GOLGB1: variants seen among roughly 807,000 people sequenced by gnomAD.
The protein encoded by GOLGB1 is golgin B1.
GOLGB1 carries 174 observed loss-of-function variants against 336.9 expected under a neutral mutation model. The ratio of observed to expected loss-of-function variants is 0.52; its 90% CI spans 0.46 to 0.59. The LOEUF (loss-of-function observed/expected upper bound fraction) is 0.59, where lower values mean the gene tolerates loss of function less well. Ranked by LOEUF, GOLGB1 falls within the 20% of genes least tolerant of loss-of-function variation. GOLGB1 has a pLI of 0.00. For synonymous variants in GOLGB1, 1,208 were observed against 1,289.2 expected, an observed-to-expected ratio of 0.94 and a Z score of 1.35; for missense variants, 3,331 against 3,645.3, an observed-to-expected ratio of 0.91 and a Z score of 2.22.
chr3:121,682,163 C>T (rs925212662), intron 14 of GOLGB1, among the ~76,000 whole-genome samples: 5 of 152,320 alleles, frequency 3.3e-5, no homozygotes, highest in South Asian at 2.1e-4. Context: ...ACAATTCTGA[C>T]GTGGGGTAGA....
chr3:121,730,773 T>C, intron 2 of GOLGB1, 103 bp downstream of exon 2: 1 of 1,086,956 alleles, frequency 9.2e-7, no homozygotes, highest in Non-Finnish European at 1.3e-6. Context: ...TCGCTTCACC[T>C]AGTACCAGGG....
In GOLGB1 at chr3:121,664,627, T is replaced by C; in HGVS notation, c.9661-13A>G. The C allele has an allele frequency of 6.2e-7, 1 of 1,613,478 alleles. No homozygotes were observed. Among genetic ancestry groups the C allele is most frequent in the Non-Finnish European group, 8.5e-7 (1 of 1,179,418 alleles). Reference sequence around the variant, plus strand: ...CGCCACTCCGGGTCTGAAAGAAAAATGTGAAAGTCAGAGAGTTTTCACCCT... The same window carrying C: ...CGCCACTCCGGGTCTGAAAGAAAAACGTGAAAGTCAGAGAGTTTTCACCCT... On this transcript the variant is annotated splice_polypyrimidine_tract_variant and intron_variant, in intron 21 of 21. Coordinates refer to ENST00000614479, the MANE Select transcript of GOLGB1 (RefSeq NM_001366282.2).
chr3:121,712,128 A>G (rs1167188993), intron 10 of GOLGB1, among the ~76,000 whole-genome samples: 3 of 152,236 alleles, frequency 2.0e-5, no homozygotes, highest in Non-Finnish European at 2.9e-5. Context: ...AGATAGATCA[A>G]TATAACAGAA....
At chr3:121,687,276 C>CA (rs1333605909) in intron 14 of GOLGB1, among the ~76,000 whole-genome samples, 3 of 151,986 alleles carry the variant, frequency 2.0e-5, no homozygotes, top group African/African-American at 7.2e-5. Flanking sequence ...AACAAACAAA[C>CA]AAAAAAACAG....
At chr3:121,684,869 A>G (rs1026490264) in intron 14 of GOLGB1, among the ~76,000 whole-genome samples, 1 of 152,238 alleles carries the variant, frequency 6.6e-6, no homozygotes, top group Non-Finnish European at 1.5e-5. Flanking sequence ...GGAGAAAGGT[A>G]AAGGGAAATA....
At chr3:121,667,439 T>A in intron 20 of GOLGB1, 37 bp downstream of exon 20, 1 of 1,597,096 alleles carries the variant, frequency 6.3e-7, no homozygotes, top group Non-Finnish European at 8.5e-7. Flanking sequence ...TCAGAAAGGA[T>A]CGGAAGGGAA....
Position 121,691,519 on chromosome 3 carries a change from A to T in GOLGB1, c.7845T>A (p.Ser2615=), listed in dbSNP as rs749403562. ...TTACTTGTCTTGTTAGCTGGGATAT[A>T]GATACTTTCAAACTCTCAATCTCTT... ...LSKEIESLKV[S]ISQLTRQVTA... Residue 2615 remains serine, a synonymous_variant, in exon 14 of 22, where the codon TCT becomes TCA. Transcript: ENST00000614479. 1 of 1,612,356 alleles carries T rather than the reference A, an allele frequency of 6.2e-7. No homozygotes were observed. Among genetic ancestry groups the T allele is most frequent in the Admixed American group, 1.7e-5 (1 of 59,718 alleles).
Position 121,697,310 on chromosome 3 carries a change from T to A in GOLGB1, c.3213A>T (p.Ile1071=). The change falls in exon 13 of 22, where the codon ATA becomes ATT. Residue 1071 remains isoleucine, a synonymous_variant. Transcript: ENST00000614479. ...QEIEIYLKQT[I]SEKEVELQHI... ...GCTGTAGTTCCACTTCTTTCTCAGA[T>A]ATTGTCTGTTTTAAATAAATTTCTA... 6.2e-7 allele frequency: 1 copy of A among 1,613,570 alleles called. No homozygotes were observed. The highest frequency in any genetic ancestry group is 8.5e-7 in the Non-Finnish European group (1 of 1,179,642).
intron 1 of GOLGB1, among the ~76,000 whole-genome samples, chr3:121,746,689 A>G (rs1053251073): frequency 3.9e-5 from 6 of 152,152 alleles, no homozygotes; most frequent in African/African-American, 1.2e-4. Context: ...CATGTTGGCC[A>G]GGCTGGTCTC....
rs1267024152 is a variant in GOLGB1 at position 121,736,437 on chromosome 3, T to G, written c.-2-5464A>C. 3.3e-5 allele frequency among the ~76,000 whole-genome samples: 5 copies of G among 152,170 alleles called. No homozygotes were observed. The East Asian group carries it at 9.6e-4, about 29-fold the overall frequency. On this transcript the variant is annotated intron_variant, in intron 1 of 21. Coordinates refer to ENST00000614479, the MANE Select transcript of GOLGB1 (RefSeq NM_001366282.2). ...GGGTACTTTACCTCTGGGGTATTCTTCTGCAAAACCCGTAAGCCCAGTCTA... is the reference window on the plus strand; with the variant it reads ...GGGTACTTTACCTCTGGGGTATTCTGCTGCAAAACCCGTAAGCCCAGTCTA...
In GOLGB1 at chr3:121,691,292, T is replaced by C; in HGVS notation, c.8072A>G (p.His2691Arg). 1.2e-6 allele frequency: 2 copies of C among 1,613,622 alleles called. No homozygotes were observed. The highest frequency in any genetic ancestry group is 1.7e-6 in the Non-Finnish European group (2 of 1,179,894). The change falls in exon 14 of 22, where the codon CAT becomes CGT. Residue 2691 changes from histidine to arginine, a missense_variant. His to Arg is a conservative substitution (Grantham distance 29). Transcript: ENST00000614479. ...CATTATCCCTGCATCATGATGAAGA[T>C]GCTTTAATTCTTTCTTCAGTTTATC... ...IEDKLKKELK[H>R]LHHDAGIMRN... is the part of the protein sequence containing the mutation.
rs965914055 is a variant in GOLGB1 at position 121,744,920 on chromosome 3, T to C, written c.-3+4712A>G. ...AACTGAGTTTTCCGTCCTGGCTCAATAAGAAGCTGCATCATAGTGAGTAAG... is the reference window on the plus strand; with the variant it reads ...AACTGAGTTTTCCGTCCTGGCTCAACAAGAAGCTGCATCATAGTGAGTAAG... On this transcript the variant is annotated intron_variant, in intron 1 of 21. Transcript: ENST00000614479. Among the ~76,000 whole-genome samples the C allele has an allele frequency of 2.0e-5, 3 of 152,140 alleles. No homozygotes were observed. In the East Asian group the frequency reaches 5.8e-4, roughly 29 times the overall value.
chr3:121,706,271 G>GA (rs1408528443), intron 10 of GOLGB1, among the ~76,000 whole-genome samples: 1 of 152,016 alleles, frequency 6.6e-6, no homozygotes, highest in Non-Finnish European at 1.5e-5. Flanking sequence ...ATTCACGGCA[G>GA]AAAATCTTCC....
chr3:121,742,507 A>C (rs972819625), intron 1 of GOLGB1, among the ~76,000 whole-genome samples: 1 of 152,106 alleles, frequency 6.6e-6, no homozygotes, highest in African/African-American at 2.4e-5. Flanking sequence ...CTAAAACCAT[A>C]AAAAACCCTA....
intron 10 of GOLGB1, among the ~76,000 whole-genome samples, chr3:121,712,727 A>G (rs1039202471): frequency 3.3e-5 from 5 of 152,244 alleles, no homozygotes; most frequent in African/African-American, 7.2e-5. Context: ...ATTTGTCATC[A>G]GGGAAATGCA....
chr3:121,715,383 T>C (rs1469742969), intron 9 of GOLGB1, among the ~76,000 whole-genome samples: 1 of 149,704 alleles, frequency 6.7e-6, no homozygotes, highest in East Asian at 2.0e-4. Flanking sequence ...TTTTTTTTTT[T>C]TTTTTGTATC....
In GOLGB1 at chr3:121,697,290, A is replaced by G. The variant is rs1213370302; in HGVS notation, c.3233T>C (p.Leu1078Pro). ...KQTISEKEVE[L>P]QHIRKDLEEK... The stretch of plus-strand genomic sequence containing the variant: ...TTCCAAATCCTTCCTTATATGCTGT[A>G]GTTCCACTTCTTTCTCAGATATTGT... The change falls in exon 13 of 22, where the codon CTA becomes CCA. Residue 1078 changes from leucine (L) to proline (P), a missense_variant. Leu to Pro is a moderately conservative substitution (Grantham distance 98). Transcript: ENST00000614479. 2 of 1,613,812 alleles carry G rather than the reference A, an allele frequency of 1.2e-6. No homozygotes were observed. The highest frequency in any genetic ancestry group is 4.5e-5 in the East Asian group (2 of 44,874).
chr3:121,736,926 C>A (rs1402131365), intron 1 of GOLGB1, among the ~76,000 whole-genome samples: 1 of 148,682 alleles, frequency 6.7e-6, no homozygotes, highest in Non-Finnish European at 1.5e-5. Context: ...TAAATAAACG[C>A]AAGGCAGTAT....
Position 121,714,744 on chromosome 3 carries a change from G to A in GOLGB1, c.1404+117C>T, listed in dbSNP as rs561601909. Reference sequence around the variant, plus strand: ...TTGTCCTCAAAAAAGTATTTTTTCAGGCAGAAAAAACAGAAGGTTTATATA... The same window carrying A: ...TTGTCCTCAAAAAAGTATTTTTTCAAGCAGAAAAAACAGAAGGTTTATATA... On this transcript the variant is annotated intron_variant, in intron 10 of 21. Transcript: ENST00000614479. 5.0e-5 allele frequency: 35 copies of A among 706,172 alleles called. No homozygotes were observed. The African/African-American group carries it at 6.2e-4, about 12-fold the overall frequency. The allele number at this position is 706,172 out of a possible 1,614,324, so 43.7% of individuals were successfully genotyped here.
Sources: allele counts gnomAD v4.1 joint callset (sites outside exome capture counted in the v4.1 genomes callset), GRCh38; gene constraint gnomAD v4.1.1; transcripts MANE v1.5; gene names NCBI Gene and HGNC (gene_info 2026-07-23, HGNC 2026-07-21).